SLC1A3: variants seen among roughly 807,000 people sequenced by gnomAD.
SLC1A3 encodes excitatory amino acid transporter 1.
SLC1A3 carries 21 observed loss-of-function variants against 48.1 expected under a neutral mutation model. The observed-to-expected ratio is 0.44, with a 90% CI of 0.31 to 0.63. SLC1A3 has a LOEUF of 0.63. Ranked by LOEUF, SLC1A3 falls within the 20% of genes least tolerant of loss-of-function variation. The pLI is 0.08. For missense variants in SLC1A3, 546 were observed against 689.0 expected (o/e 0.79, Z 2.32); for synonymous variants, 239 against 251.4 (o/e 0.95, Z 0.47).
chr5:36,628,079 C>T (rs551187228), intron 2 of SLC1A3, among the ~76,000 whole-genome samples: 2 of 152,276 alleles, frequency 1.3e-5, no homozygotes, highest in African/African-American at 4.8e-5. Flanking sequence ...CACCTTTCTG[C>T]GTTTTCCAAT....
In SLC1A3 at chr5:36,669,442, G is replaced by C. The variant is rs1192888890; in HGVS notation, c.320-1587G>C. 2.0e-5 allele frequency: 3 copies of C among 152,182 alleles called. No homozygotes were observed. In the South Asian group the frequency reaches 6.2e-4, roughly 32 times the overall value. The allele number at this position is 152,182 out of a possible 1,614,324, so 9.4% of individuals were successfully genotyped here. ...GTGCATGGCATCAAAGCCAAAGCTG[G>C]CCTCCTTATCTGTGGGAGCTGCAGT... On this transcript the variant is annotated intron_variant, in intron 3 of 9. Transcript: ENST00000265113.
At chr5:36,619,205 G>A (rs1003189743) in intron 2 of SLC1A3, among the ~76,000 whole-genome samples, 1 of 152,214 alleles carries the variant, frequency 6.6e-6, no homozygotes, top group Non-Finnish European at 1.5e-5. Flanking sequence ...GAGGAGTGGG[G>A]GAGGGTTAAG....
intron 2 of SLC1A3, among the ~76,000 whole-genome samples, chr5:36,621,858 A>T (rs1326595370): frequency 6.6e-6 from 1 of 152,136 alleles, no homozygotes; most frequent in East Asian, 1.9e-4. Flanking sequence ...GGGACTTGTG[A>T]CTTCTAACCA....
Position 36,616,651 on chromosome 5 carries a change from C to T in SLC1A3, c.181+8047C>T, listed in dbSNP as rs575320915. On this transcript the variant is annotated intron_variant, in intron 2 of 9. Transcript: ENST00000265113. ...ATTCAGAACCTTGTATGATGAGGCT[C>T]GTTTATCCCTAATGAGAGTAGGGAG... 2.0e-5 allele frequency among the ~76,000 whole-genome samples: 3 copies of T among 152,136 alleles called. No homozygotes were observed. The East Asian group carries it at 5.8e-4, about 29-fold the overall frequency.
intron 3 of SLC1A3, among the ~76,000 whole-genome samples, chr5:36,650,122 C>T (rs971209209): frequency 4.0e-5 from 6 of 150,802 alleles, no homozygotes; most frequent in South Asian, 2.1e-4. Context: ...AGTGTAGAGG[C>T]GGGTGGGGAA....
At chr5:36,606,950 G>A (rs1176854012) in intron 1 of SLC1A3, 1 of 152,248 alleles carries the variant, frequency 6.6e-6, no homozygotes, top group East Asian at 1.9e-4. Flanking sequence ...GGTGGATTGG[G>A]GGCAGATTGT....
At position 36,645,465 on chromosome 5, in the gene SLC1A3, A is replaced by G. The variant is rs555135369; in HGVS notation, c.319+15878A>G. ...CCCAGCTGCCCAAGTAGCTGGAATT[A>G]CAGGTGCCTACCACCACGCCCAGTT... On this transcript the variant is annotated intron_variant, in intron 3 of 9. Coordinates refer to ENST00000265113, the MANE Select transcript of SLC1A3 (RefSeq NM_004172.5). 2.8e-4 allele frequency among the ~76,000 whole-genome samples: 43 copies of G among 151,452 alleles called. No homozygotes were observed. In the South Asian group the frequency reaches 8.3e-3, roughly 29 times the overall value.
intron 2 of SLC1A3, among the ~76,000 whole-genome samples, chr5:36,628,781 A>G (rs1740012419): frequency 1.3e-5 from 2 of 152,212 alleles, no homozygotes; most frequent in Non-Finnish European, 2.9e-5. Context: ...TCTTTCCCCT[A>G]TATTCTCCCA....
chr5:36,661,985 G>A (rs1413791535), intron 3 of SLC1A3, among the ~76,000 whole-genome samples: 2 of 152,292 alleles, frequency 1.3e-5, no homozygotes, highest in East Asian at 3.9e-4. Flanking sequence ...TCGCTAACAA[G>A]AAACACAATC....
intron 3 of SLC1A3, among the ~76,000 whole-genome samples, chr5:36,641,570 GA>G (rs1293904686): frequency 3.3e-5 from 5 of 150,632 alleles, no homozygotes; most frequent in East Asian, 1.9e-4. Context: ...AAATATTTAA[GA>G]AAAAAAAAGT....
intron 2 of SLC1A3, among the ~76,000 whole-genome samples, chr5:36,614,335 A>G (rs1739338838): frequency 6.6e-6 from 1 of 152,142 alleles, no homozygotes; most frequent in Admixed American, 6.5e-5. Flanking sequence ...AGACCCTGGC[A>G]TTTGGGGAGG....
At chr5:36,645,580 C>T (rs2111825942) in intron 3 of SLC1A3, among the ~76,000 whole-genome samples, 1 of 152,138 alleles carries the variant, frequency 6.6e-6, no homozygotes, top group East Asian at 1.9e-4. Flanking sequence ...CCACCTCGGC[C>T]TCCCAAAGTG....
Position 36,680,375 on chromosome 5 carries a change from C to A in SLC1A3, c.1095-20C>A. ...ACTACCAGGACACTCAGCTGATGTG[C>A]CCTATTTCACTGTTCTCAGTTCTGC... On this transcript the variant is annotated intron_variant, in intron 7 of 9. Transcript: ENST00000265113. The A allele has an allele frequency of 6.2e-7, 1 of 1,602,392 alleles. No individual in the cohort carries two copies. The highest frequency in any genetic ancestry group is 8.6e-7 in the Non-Finnish European group (1 of 1,169,492).
At chr5:36,655,787 G>A (rs1741260454) in intron 3 of SLC1A3, among the ~76,000 whole-genome samples, 1 of 152,198 alleles carries the variant, frequency 6.6e-6, no homozygotes, top group African/African-American at 2.4e-5. Context: ...GAGGGCCCCG[G>A]CCAGTTTTAG....
chr5:36,615,456 A>G (rs1579950318), intron 2 of SLC1A3, among the ~76,000 whole-genome samples: 1 of 152,148 alleles, frequency 6.6e-6, no homozygotes, highest in East Asian at 1.9e-4. Context: ...TAGATAACCC[A>G]TTCTGGCTGG....
At chr5:36,615,800 T>C (rs1218744541) in intron 2 of SLC1A3, among the ~76,000 whole-genome samples, 1 of 152,238 alleles carries the variant, frequency 6.6e-6, no homozygotes, top group Non-Finnish European at 1.5e-5. Context: ...ATTCATCAAG[T>C]ATTTGCTGGC....
At chr5:36,610,123 C>T (rs1203157197) in intron 2 of SLC1A3, among the ~76,000 whole-genome samples, 2 of 152,302 alleles carry the variant, frequency 1.3e-5, no homozygotes, top group South Asian at 2.1e-4. Context: ...AGTGACAACA[C>T]TAGTAAACTC....
At chr5:36,608,635 T>C (rs1561235358) in intron 2 of SLC1A3, 31 bp downstream of exon 2, 1 of 1,603,742 alleles carries the variant, frequency 6.2e-7, no homozygotes, top group Non-Finnish European at 8.5e-7. Flanking sequence ...CAAAAAAACC[T>C]GTATCTTGTT....
At chr5:36,655,602 C>T (rs1247348889) in intron 3 of SLC1A3, among the ~76,000 whole-genome samples, 1 of 152,216 alleles carries the variant, frequency 6.6e-6, no homozygotes, top group Non-Finnish European at 1.5e-5. Flanking sequence ...GAAAACTCCA[C>T]TTGTCATAAA....
Sources: allele counts gnomAD v4.1 joint callset (sites outside exome capture counted in the v4.1 genomes callset), GRCh38; gene constraint gnomAD v4.1.1; transcripts MANE v1.5; gene names NCBI Gene and HGNC (gene_info 2026-07-23, HGNC 2026-07-21).